NFE2: variants seen among roughly 807,000 people sequenced by gnomAD.
NFE2 encodes the protein nuclear factor, erythroid 2.
NFE2 carries 13 observed loss-of-function variants against 25.8 expected under a neutral mutation model. The ratio of observed to expected loss-of-function variants is 0.50; its 90% confidence interval spans 0.33 to 0.80. The LOEUF (loss-of-function observed/expected upper bound fraction) is 0.80, where lower values mean the gene tolerates loss of function less well. Ranked by LOEUF, NFE2 falls within the 30% of genes least tolerant of loss-of-function variation. The pLI, the probability that NFE2 is intolerant of heterozygous loss-of-function variation, is 0.02. For missense variants in NFE2, 382 were observed against 478.9 expected (o/e 0.80, Z 1.89); for synonymous variants, 204 against 200.2 (o/e 1.02, Z -0.16).
Position 54,295,231 on chromosome 12 carries a change from G to A in NFE2, c.18C>T (p.Pro6=), listed in dbSNP as rs1944361026. ...GTATCACCCTGTTCCTGCTCTGCTG[G>A]GGAGGACACGGGGACATCCTACTGG... MSPCP[P]QQSRNRVIQL... The change falls in exon 2 of 3, where the codon CCC becomes CCT. Residue 6 remains proline (P), a synonymous_variant. Coordinates refer to ENST00000435572, the MANE Select transcript of NFE2 (RefSeq NM_001136023.3). 2 of 1,613,942 alleles carry A rather than the reference G, an allele frequency of 1.2e-6. No homozygotes were observed. The highest frequency in any genetic ancestry group is 2.7e-5 in the African/African-American group (2 of 74,912).
rs1944323691 is a variant in NFE2, at chr12:54,292,314, T to C, written c.*60A>G. The C allele has an allele frequency of 6.5e-7, 1 of 1,550,350 alleles. No homozygotes were observed. The highest frequency in any genetic ancestry group is 8.8e-7 in the Non-Finnish European group (1 of 1,136,862). On this transcript the variant is annotated 3_prime_UTR_variant, in exon 3 of 3. Coordinates refer to ENST00000435572, the MANE Select transcript of NFE2 (RefSeq NM_001136023.3). ...CCTTCTGGGACTCAGGGTTGGGGAG[T>C]ACCTTTATCAGAAGGGAATGAAGGA... is the stretch of plus-strand genomic sequence containing the variant.
At chr12:54,297,734 C>G (rs767138871) in intron 1 of NFE2, 4 of 148,720 alleles carry the variant, frequency 2.7e-5, no homozygotes, top group Non-Finnish European at 5.9e-5. Flanking sequence ...GATTGTATGA[C>G]CTCAAATTGC....
In NFE2 at chr12:54,295,170, T is replaced by C; in HGVS notation, c.79A>G (p.Thr27Ala). 6.2e-7 allele frequency: 1 copy of C among 1,614,060 alleles called. No individual in the cohort carries two copies. Among genetic ancestry groups the C allele is most frequent in the Non-Finnish European group, 8.5e-7 (1 of 1,179,996 alleles). ...STSELGEMEL[T>A]WQEIMSITEL... The stretch of plus-strand genomic sequence containing the variant: ...GTGATGGACATGATCTCCTGCCAAG[T>C]CAGTTCCATCTCTCCTAGCTCTGAA... The change falls in exon 2 of 3, where the codon ACT becomes GCT. Residue 27 changes from threonine to alanine, a missense_variant. By Grantham distance (58) the Thr-to-Ala change is moderately conservative. Transcript: ENST00000435572.
intron 1 of NFE2, among the ~76,000 whole-genome samples, chr12:54,296,475 T>A (rs1944374180): frequency 6.6e-6 from 1 of 151,382 alleles, no homozygotes; most frequent in Non-Finnish European, 1.5e-5. Flanking sequence ...AAACTGAGAC[T>A]GAAGCTGATA....
intron 2 of NFE2, among the ~76,000 whole-genome samples, chr12:54,294,131 C>G (rs1944346351): frequency 6.7e-6 from 1 of 148,592 alleles, no homozygotes; most frequent in African/African-American, 2.5e-5. Context: ...GGGGTGGTGG[C>G]AGGCGCCTGT....
chr12:54,294,852 A>C (rs1231933836), intron 2 of NFE2, among the ~76,000 whole-genome samples: 1 of 152,106 alleles, frequency 6.6e-6, no homozygotes, highest in Non-Finnish European at 1.5e-5. Context: ...TGAGCACGGG[A>C]GGGAGAGCAG....
chr12:54,293,350 TCAAATGATG>T lies in NFE2; in HGVS notation c.137_145del (p.Pro46_Glu49delinsGln). The T allele has an allele frequency of 6.5e-7, 1 of 1,543,232 alleles. No homozygotes were observed. The highest frequency in any genetic ancestry group is 8.8e-7 in the Non-Finnish European group (1 of 1,140,272). On this transcript the variant is annotated inframe_deletion, in exon 3 of 3. Coordinates refer to ENST00000435572, the MANE Select transcript of NFE2 (RefSeq NM_001136023.3). ...AAGGTATGGAGCTGGGGCTTGGGGCTCAAATGATGGCTCACTTGGAGCATTCAGACCCTG... is the reference window on the plus strand; with the variant it reads ...AAGGTATGGAGCTGGGGCTTGGGGCTGCTCACTTGGAGCATTCAGACCCTG...
chr12:54,300,298 G>A (rs1944411491), intron 1 of NFE2: 2 of 152,358 alleles, frequency 1.3e-5, no homozygotes, highest in South Asian at 4.1e-4. Flanking sequence ...GAAGAGAAAG[G>A]GCAAAGGAGC....
chr12:54,294,816 G>A (rs1944355382), intron 2 of NFE2, among the ~76,000 whole-genome samples: 1 of 152,180 alleles, frequency 6.6e-6, no homozygotes, highest in South Asian at 2.1e-4. Flanking sequence ...GGCAGGATCA[G>A]AGAGGCAGGT....
Position 54,293,151 on chromosome 12 carries a change from C to G in NFE2, c.345G>C (p.Leu115=), listed in dbSNP as rs758927244. ...AGGGGTCTTGGAGCGGCTCACTGAGCAGGCCTGAGAGGCTCAGTGGCTTGG... is the reference window on the plus strand; with the variant it reads ...AGGGGTCTTGGAGCGGCTCACTGAGGAGGCCTGAGAGGCTCAGTGGCTTGG... The part of the protein sequence containing the change: ...PVSKPLSLSG[L]LSEPLQDPLA... The change falls in exon 3 of 3, where the codon CTG becomes CTC. Residue 115 remains leucine, a synonymous_variant. Transcript: ENST00000435572. The G allele has an allele frequency of 6.5e-7, 1 of 1,538,446 alleles. No individual in the cohort carries two copies. The highest frequency in any genetic ancestry group is 8.8e-7 in the Non-Finnish European group (1 of 1,141,320).
Position 54,292,668 on chromosome 12 carries a change from G to GTT in NFE2, c.826_827dup (p.Asn276LysfsTer27). 1 of 1,614,188 alleles carries GTT rather than the reference G, an allele frequency of 6.2e-7. No individual in the cohort carries two copies. ...TGCGGCAGTTCTGGGCTGCCACCTT[G>GTT]TTTTTGCCCCGTCGTCGGATGTCCC... On this transcript the variant is annotated frameshift_variant, in exon 3 of 3. Transcript: ENST00000435572. LOFTEE classifies it high-confidence loss of function.
chr12:54,293,295 G>T lies in NFE2; in HGVS notation c.201C>A (p.Pro67=). 1 of 1,609,296 alleles carries T rather than the reference G, an allele frequency of 6.2e-7. No individual in the cohort carries two copies. Among genetic ancestry groups the T allele is most frequent in the Non-Finnish European group, 8.5e-7 (1 of 1,177,374 alleles). Residue 67 remains proline, a synonymous_variant, in exon 3 of 3, where the codon CCC becomes CCA. Coordinates refer to ENST00000435572, the MANE Select transcript of NFE2 (RefSeq NM_001136023.3). ...AGCCAGAATCTGGGTGGATTGAGCAGGGGCAGTAAGTTGTGGGTGGTGGAG... is the reference window on the plus strand; with the variant it reads ...AGCCAGAATCTGGGTGGATTGAGCATGGGCAGTAAGTTGTGGGTGGTGGAG... ...LGPPPPTTYC[P]CSIHPDSGFP...
rs2137053278 is a variant in NFE2, at chr12:54,292,560, G to A, written c.936C>T (p.Arg312=). The change falls in exon 3 of 3, where the codon CGC becomes CGT. Residue 312 remains arginine, a synonymous_variant. Transcript: ENST00000435572. ...CCTCCAGGGTCCGGTCTGCCTCCCC[G>A]CGGGCCCTGAGAAGCCGCTCCCGTT... ...TNERERLLRA[R]GEADRTLEVM... is the part of the protein sequence containing the mutation. 1 of 1,613,960 alleles carries A rather than the reference G, an allele frequency of 6.2e-7. No homozygotes were observed. Among genetic ancestry groups the A allele is most frequent in the Non-Finnish European group, 8.5e-7 (1 of 1,180,012 alleles).
At chr12:54,298,033 C>T (rs538306664) in intron 1 of NFE2, 2 of 152,266 alleles carry the variant, frequency 1.3e-5, no homozygotes, top group South Asian at 4.1e-4. Context: ...GGAAATTGCC[C>T]AAAGGCAAAG....
intron 1 of NFE2, 112 bp from the exon 2 acceptor site, chr12:54,295,416 T>A: frequency 1.7e-6 from 1 of 580,600 alleles, no homozygotes; most frequent in Non-Finnish European, 3.1e-6. Context: ...AGAGACCGCC[T>A]CCTCCCCATC....
At chr12:54,294,455 G>A (rs1944350203) in intron 2 of NFE2, among the ~76,000 whole-genome samples, 2 of 152,088 alleles carry the variant, frequency 1.3e-5, no homozygotes, top group South Asian at 4.1e-4. Context: ...AAGCATGGTA[G>A]CAGGGTAGTA....
chr12:54,293,980 A>T (rs892552921), intron 2 of NFE2, among the ~76,000 whole-genome samples: 1 of 151,412 alleles, frequency 6.6e-6, no homozygotes, highest in Non-Finnish European at 1.5e-5. Context: ...GAAATGGCTC[A>T]TGTTCGGCCA....
At position 54,292,539 on chromosome 12, in the gene NFE2, C is replaced by T. The variant is rs1235937357; in HGVS notation, c.957G>A (p.Leu319=). Residue 319 remains leucine (L), a synonymous_variant, in exon 3 of 3, where the codon CTG becomes CTA. Transcript: ENST00000435572. ...LRARGEADRT[L]EVMRQQLTEL... ...CTGTCAGCTGTTGGCGCATGACCTC[C>T]AGGGTCCGGTCTGCCTCCCCGCGGG... 1 of 1,614,076 alleles carries T rather than the reference C, an allele frequency of 6.2e-7. No individual in the cohort carries two copies. The highest frequency in any genetic ancestry group is 8.5e-7 in the Non-Finnish European group (1 of 1,180,048).
chr12:54,293,086 T>G lies in NFE2; in HGVS notation c.410A>C (p.Lys137Thr), dbSNP rs762834237. The change falls in exon 3 of 3, where the codon AAG becomes ACG. Residue 137 changes from lysine to threonine, a missense_variant. By Grantham distance (78) the Lys-to-Thr change is moderately conservative. Transcript: ENST00000435572. The part of the protein sequence containing the change: ...LDIGLPAGPP[K>T]PQEDPESDSG... ...GTCGGATTCTGGGTCTTCTTGGGGC[T>G]TAGGTGGCCCTGCTGGCAGCCCAAT... 14 of 1,522,734 alleles carry G rather than the reference T, an allele frequency of 9.2e-6. No individual in the cohort carries two copies. In the Middle Eastern group the frequency reaches 1.4e-3, roughly 154 times the overall value. 94.3% of individuals were successfully genotyped at this position (1,522,734 alleles called of 1,614,324 possible).
Sources: gnomAD v4.1 joint callset for allele counts (sites outside exome capture counted in the v4.1 genomes callset) on GRCh38, gnomAD v4.1.1 for gene constraint, MANE v1.5 for transcripts, NCBI Gene and HGNC (gene_info 2026-07-23, HGNC 2026-07-21) for gene names.